The following SUFU variants were observed in gnomAD, a reference collection of about 807,000 sequenced individuals.
SUFU encodes SUFU negative regulator of hedgehog signaling, also known as suppressor of fused homolog.
SUFU carries 7 observed loss-of-function variants against 58.9 expected under a neutral mutation model. The ratio of observed to expected loss-of-function variants is 0.12; its 90% CI spans 0.07 to 0.22. The LOEUF (loss-of-function observed/expected upper bound fraction) is 0.22. Ranked by LOEUF, SUFU falls within the 10% of genes least tolerant of loss-of-function variation. SUFU has a pLI of 1.00. For missense variants in SUFU, 451 were observed against 641.3 expected (o/e 0.70, Z 3.20); for synonymous variants, 232 against 254.8 (o/e 0.91, Z 0.85).
chr10:102,553,705 C>T (rs376577601), intron 3 of SUFU, among the ~76,000 whole-genome samples: 13 of 152,256 alleles, frequency 8.5e-5, no homozygotes, highest in African/African-American at 2.4e-4. Context: ...CCTCGTGATC[C>T]GCCCGCCTCA....
chr10:102,513,032 C>T (rs3740406), intron 2 of SUFU, among the ~76,000 whole-genome samples: 53,319 of 151,538 alleles, frequency 0.35, 9,526 homozygotes, highest in African/African-American at 0.39. Flanking sequence ...TGCACTACTG[C>T]GCTCCAGTTT....
intron 10 of SUFU, among the ~76,000 whole-genome samples, chr10:102,622,478 C>T (rs2063747782): frequency 6.6e-6 from 1 of 152,166 alleles, no homozygotes; most frequent in African/African-American, 2.4e-5. Flanking sequence ...CACGGTGGCT[C>T]ACACCTGTAA....
At chr10:102,503,920 C>G (rs976705354), upstream of SUFU, 12 of 513,508 alleles carry the variant, frequency 2.3e-5, no homozygotes, top group South Asian at 5.6e-5. Flanking sequence ...GGATAGGGTG[C>G]GCCGGCGCCC....
intron 3 of SUFU, among the ~76,000 whole-genome samples, chr10:102,558,927 A>G (rs2063008275): frequency 6.6e-6 from 1 of 152,230 alleles, no homozygotes; most frequent in African/African-American, 2.4e-5. Flanking sequence ...TGGCCTAACA[A>G]TAAGGGCACT....
chr10:102,581,097 T>C (rs943715470), intron 3 of SUFU, among the ~76,000 whole-genome samples: 1 of 142,774 alleles, frequency 7.0e-6, no homozygotes, highest in African/African-American at 2.6e-5. Context: ...CGAGAATCAC[T>C]TGAACCCAGG....
chr10:102,534,335 G>A (rs1271548483), intron 2 of SUFU, among the ~76,000 whole-genome samples: 1 of 152,234 alleles, frequency 6.6e-6, no homozygotes, highest in Non-Finnish European at 1.5e-5. Flanking sequence ...GCGGAGGCAG[G>A]AGAATGGCGT....
chr10:102,598,162 T>C (rs1256073480), intron 7 of SUFU, among the ~76,000 whole-genome samples: 1 of 152,142 alleles, frequency 6.6e-6, no homozygotes. Flanking sequence ...CCCTTTCTTT[T>C]TTTTTTTCTT....
intron 2 of SUFU, among the ~76,000 whole-genome samples, chr10:102,513,953 C>T (rs1166529444): frequency 1.3e-5 from 2 of 152,182 alleles, no homozygotes; most frequent in South Asian, 2.1e-4. Flanking sequence ...GGCGAGGTCA[C>T]GGCTCACTGC....
intron 10 of SUFU, among the ~76,000 whole-genome samples, chr10:102,620,910 G>A (rs1430689105): frequency 2.0e-5 from 3 of 152,204 alleles, no homozygotes; most frequent in Non-Finnish European, 4.4e-5. Context: ...CCAAATATGA[G>A]AATATTGTTT....
At chr10:102,539,862 G>A (rs778433151) in intron 2 of SUFU, among the ~76,000 whole-genome samples, 14 of 152,166 alleles carry the variant, frequency 9.2e-5, no homozygotes, top group South Asian at 2.1e-4. Context: ...TAGCTCATGC[G>A]ATTACAGATG....
intron 3 of SUFU, among the ~76,000 whole-genome samples, chr10:102,584,598 A>G (rs116964357): frequency 1.2e-4 from 18 of 152,342 alleles, no homozygotes; most frequent in Non-Finnish European, 2.2e-4. Flanking sequence ...GGTAGGCAAC[A>G]ATATCAGTTA....
At chr10:102,577,237 A>C (rs10786687) in intron 3 of SUFU, among the ~76,000 whole-genome samples, 68,859 of 151,506 alleles carry the variant, frequency 0.45, 16,023 homozygotes, top group East Asian at 0.68. Flanking sequence ...GCGTCCACTA[A>C]CACGCCAAGC....
rs367695193 is a variant in SUFU, at chr10:102,607,836, A to G, written c.1023-7432A>G. Among the ~76,000 whole-genome samples, 48 of 152,146 alleles carry G rather than the reference A, an allele frequency of 3.2e-4. No homozygotes were observed. The South Asian group carries it at 5.6e-3, about 18-fold the overall frequency. On this transcript the variant is annotated intron_variant, in intron 8 of 11. Coordinates refer to ENST00000369902, the MANE Select transcript of SUFU (RefSeq NM_016169.4). ...CGAGGCAGGAGAATCGCTTGAACCC[A>G]GGAGGTGGAGGTTGCAGTGAGCCGA...
chr10:102,502,869 G>A (rs995103899), upstream of SUFU, among the ~76,000 whole-genome samples: 3 of 152,258 alleles, frequency 2.0e-5, no homozygotes, highest in African/African-American at 7.2e-5. Flanking sequence ...CATTTCCAAT[G>A]CGCAGTACCC....
chr10:102,582,344 C>G (rs948688577), intron 3 of SUFU, among the ~76,000 whole-genome samples: 1 of 152,202 alleles, frequency 6.6e-6, no homozygotes, highest in African/African-American at 2.4e-5. Flanking sequence ...TGTAAGAACT[C>G]AAGGAATGTA....
At chr10:102,615,870 T>G (rs1237168250) in intron 9 of SUFU, among the ~76,000 whole-genome samples, 1 of 152,154 alleles carries the variant, frequency 6.6e-6, no homozygotes, top group Non-Finnish European at 1.5e-5. Context: ...TATTGCTTGT[T>G]TGACAGACCT....
intron 8 of SUFU, among the ~76,000 whole-genome samples, chr10:102,607,050 G>C (rs2063568498): frequency 6.8e-6 from 1 of 147,272 alleles, no homozygotes; most frequent in South Asian, 2.2e-4. Flanking sequence ...GTGGACCATT[G>C]GTAAGAGTAA....
intron 2 of SUFU, among the ~76,000 whole-genome samples, chr10:102,542,946 C>T (rs762422496): frequency 2.6e-5 from 4 of 152,182 alleles, no homozygotes; most frequent in Non-Finnish European, 5.9e-5. Context: ...TTTCGCCTAA[C>T]AGTGTTTATA....
Position 102,619,252 on chromosome 10 carries a change from C to T in SUFU, c.1296+1824C>T, listed in dbSNP as rs78378878. 2,611 of 1,477,578 alleles carry T rather than the reference C, an allele frequency of 1.8e-3. 41 individuals carry two copies. The African/African-American group carries it at 0.032, about 18-fold the overall frequency. The allele number at this position is 1,477,578 out of a possible 1,614,324, so 91.5% of individuals were successfully genotyped here. ...GACCCAACCCCAATTCCCCAAGCCC[C>T]TGACCCCCTAGCTGCCGGGGTTCCC... is the stretch of plus-strand genomic sequence containing the variant. On this transcript the variant is annotated intron_variant, in intron 10 of 11. Transcript: ENST00000369902. This position sits in a 1 kb window ranked among gnomAD's most constrained non-coding sequence, Gnocchi z 4.2.
Sources: allele counts gnomAD v4.1 joint callset (sites outside exome capture counted in the v4.1 genomes callset), GRCh38; gene constraint gnomAD v4.1.1; non-coding constraint Gnocchi (gnomAD v3.1); transcripts MANE v1.5; gene names NCBI Gene and HGNC (gene_info 2026-07-23, HGNC 2026-07-21).